The following PCED1B variants were observed in gnomAD, a reference collection of about 807,000 sequenced individuals.
The protein encoded by PCED1B is PC-esterase domain containing 1B, also known as PC-esterase domain-containing protein 1B.
For synonymous variants in PCED1B, 251 were observed against 246.1 expected (o/e 1.02, Z -0.19); for missense variants, 573 against 573.9 (o/e 1.00, Z 0.02).
intron 1 of PCED1B, among the ~76,000 whole-genome samples, chr12:47,088,268 CAG>C (rs1328029109): frequency 2.6e-5 from 4 of 152,192 alleles, no homozygotes; most frequent in Non-Finnish European, 4.4e-5. Flanking sequence ...GCAAAATAAA[CAG>C]AGCTGGAGAG....
intron 2 of PCED1B, chr12:47,136,085 C>CT (rs57549946): frequency 0.28 from 36,544 of 131,046 alleles, 5,687 homozygotes; most frequent in Middle Eastern, 0.38. Flanking sequence ...CAATTTCTTT[C>CT]TTTTTTTTTT....
In PCED1B at chr12:47,084,488, C is replaced by T. The variant is rs140221711; in HGVS notation, c.-609+4763C>T. 2.9e-3 allele frequency among the ~76,000 whole-genome samples: 441 copies of T among 152,342 alleles called. 3 individuals are homozygous for T. Among genetic ancestry groups the T allele is most frequent in the African/African-American group, 0.01 (418 of 41,570 alleles). Reference sequence around the variant, plus strand: ...CTCCTATTTCCCTTTCTCTCAGCCCCTGGCAACCACTAATGTACTTTCTGT... The same window carrying T: ...CTCCTATTTCCCTTTCTCTCAGCCCTTGGCAACCACTAATGTACTTTCTGT... On this transcript the variant is annotated intron_variant, in intron 1 of 3. Coordinates refer to ENST00000546455, the MANE Select transcript of PCED1B (RefSeq NM_138371.3).
At chr12:47,210,852 G>A (rs1304450484) in intron 2 of PCED1B, 3 of 151,762 alleles carry the variant, frequency 2.0e-5, no homozygotes, top group African/African-American at 7.3e-5. Flanking sequence ...GAAAAAGGAA[G>A]GTCAAAAAAA....
chr12:47,138,649 T>C (rs950452799), intron 2 of PCED1B, among the ~76,000 whole-genome samples: 25 of 152,208 alleles, frequency 1.6e-4, no homozygotes, highest in African/African-American at 6.0e-4. Context: ...TACAATGCCT[T>C]GAATGGATCC....
chr12:47,125,281 G>T (rs1388705634), intron 2 of PCED1B, among the ~76,000 whole-genome samples: 1 of 151,448 alleles, frequency 6.6e-6, no homozygotes. Context: ...CCTTTCTCTA[G>T]TAAATTCCCT....
chr12:47,179,599 C>T (rs1163188556), intron 2 of PCED1B, among the ~76,000 whole-genome samples: 1 of 152,186 alleles, frequency 6.6e-6, no homozygotes, highest in African/African-American at 2.4e-5. Context: ...CATTGTGACA[C>T]AACTAATATT....
chr12:47,191,307 C>T (rs1942432361), intron 2 of PCED1B, among the ~76,000 whole-genome samples: 1 of 152,196 alleles, frequency 6.6e-6, no homozygotes, highest in Non-Finnish European at 1.5e-5. Context: ...ACTTTTTTCA[C>T]TCCTTTATCT....
intron 1 of PCED1B, among the ~76,000 whole-genome samples, chr12:47,101,627 G>A (rs1021351157): frequency 6.6e-6 from 1 of 152,050 alleles, no homozygotes; most frequent in African/African-American, 2.4e-5. Flanking sequence ...ACTATAATAT[G>A]GATCACAGGG....
At chr12:47,147,214 A>C (rs1393381157) in intron 2 of PCED1B, among the ~76,000 whole-genome samples, 4 of 151,940 alleles carry the variant, frequency 2.6e-5, no homozygotes, top group Non-Finnish European at 5.9e-5. Context: ...ACAGGGTTTC[A>C]CCATATTGGC....
At chr12:47,079,953 A>C (rs1941943236) in intron 1 of PCED1B, 1 of 151,562 alleles carries the variant, frequency 6.6e-6, no homozygotes, top group Non-Finnish European at 1.5e-5. Context: ...AGCAGCTCGG[A>C]GCCTGCGGGA....
At chr12:47,082,743 G>T (rs773615010) in intron 1 of PCED1B, among the ~76,000 whole-genome samples, 11 of 152,062 alleles carry the variant, frequency 7.2e-5, no homozygotes, top group Admixed American at 4.6e-4. Context: ...AAATGAAATG[G>T]GATGCAATTA....
At chr12:47,142,975 T>C (rs977243120) in intron 2 of PCED1B, among the ~76,000 whole-genome samples, 2 of 152,186 alleles carry the variant, frequency 1.3e-5, no homozygotes, top group Non-Finnish European at 2.9e-5. Context: ...TGTATGATCA[T>C]TTCAATAGAA....
intron 2 of PCED1B, among the ~76,000 whole-genome samples, chr12:47,129,636 TG>T (rs1324995113): frequency 6.6e-6 from 1 of 152,032 alleles, no homozygotes; most frequent in East Asian, 1.9e-4. Flanking sequence ...CATGCCCCCT[TG>T]GGTGGGATTC....
chr12:47,193,125 ATT>A (rs1461520120), intron 2 of PCED1B, among the ~76,000 whole-genome samples: 1 of 152,156 alleles, frequency 6.6e-6, no homozygotes, highest in Non-Finnish European at 1.5e-5. Context: ...GCTGTATTCT[ATT>A]TGTCTTATTA....
At chr12:47,137,017 T>G (rs2137387935) in intron 2 of PCED1B, among the ~76,000 whole-genome samples, 1 of 152,332 alleles carries the variant, frequency 6.6e-6, no homozygotes, top group Middle Eastern at 3.4e-3. Flanking sequence ...AGCCAATACC[T>G]TGTTTTGCTA....
chr12:47,194,122 C>G (rs932842064), intron 2 of PCED1B, among the ~76,000 whole-genome samples: 1 of 152,180 alleles, frequency 6.6e-6, no homozygotes, highest in East Asian at 1.9e-4. Context: ...GATAACTTCC[C>G]TCCATGCTCC....
intron 2 of PCED1B, among the ~76,000 whole-genome samples, chr12:47,143,646 C>A (rs1315344168): frequency 6.6e-6 from 1 of 152,120 alleles, no homozygotes; most frequent in East Asian, 1.9e-4. Flanking sequence ...GCCAAAATTT[C>A]CATTTTATTT....
chr12:47,231,231 C>A (rs1943796890), intron 3 of PCED1B, among the ~76,000 whole-genome samples: 1 of 152,130 alleles, frequency 6.6e-6, no homozygotes, highest in Non-Finnish European at 1.5e-5. Flanking sequence ...TATTTTTTTA[C>A]ATGTACATGG....
At chr12:47,106,123 A>C (rs1316617662) in intron 2 of PCED1B, among the ~76,000 whole-genome samples, 1 of 152,132 alleles carries the variant, frequency 6.6e-6, no homozygotes, top group Non-Finnish European at 1.5e-5. Context: ...CATTGCCAGA[A>C]GGTAAATGCT....
Sources: allele counts gnomAD v4.1 joint callset (sites outside exome capture counted in the v4.1 genomes callset), GRCh38; gene constraint gnomAD v4.1.1; transcripts MANE v1.5; gene names NCBI Gene and HGNC (gene_info 2026-07-23, HGNC 2026-07-21).